The following PRUNE2 variants were observed in gnomAD, a reference collection of about 807,000 sequenced individuals.
PRUNE2 encodes the protein protein prune homolog 2.
In PRUNE2, 164 loss-of-function variants were observed where a neutral mutation model predicts 252.0. The ratio of observed to expected loss-of-function variants is 0.65; its 90% CI spans 0.57 to 0.74. The LOEUF (loss-of-function observed/expected upper bound fraction) is 0.74. Among genes scored for constraint, PRUNE2 ranks in the 30% least tolerant of loss-of-function variants. The pLI is 0.00. For missense variants in PRUNE2, 3,495 were observed against 3,711.0 expected (o/e 0.94, Z 1.51); for synonymous variants, 1,292 against 1,350.2 (o/e 0.96, Z 0.94).
intron 6 of PRUNE2, among the ~76,000 whole-genome samples, chr9:76,753,498 A>C (rs2050812244): frequency 6.6e-6 from 1 of 152,212 alleles, no homozygotes; most frequent in Non-Finnish European, 1.5e-5. Flanking sequence ...CTTGTGAAAC[A>C]GATGACCTGT....
chr9:76,845,000 TAAAAAAAAAAAAA>T (rs55754002), intron 4 of PRUNE2, among the ~76,000 whole-genome samples: 52 of 60,774 alleles, frequency 8.6e-4, no homozygotes, highest in African/African-American at 3.1e-3. Flanking sequence ...CCCCCTCTCT[TAAAAAAAAAAAAA>T]AAAAAAAAAA....
At chr9:76,815,850 G>A (rs1213447474) in intron 6 of PRUNE2, among the ~76,000 whole-genome samples, 1 of 152,124 alleles carries the variant, frequency 6.6e-6, no homozygotes, top group Non-Finnish European at 1.5e-5. Flanking sequence ...TCCAACTTGA[G>A]TTTAGCTGGA....
chr9:76,858,010 T>A (rs192799450), intron 1 of PRUNE2, among the ~76,000 whole-genome samples: 176 of 152,300 alleles, frequency 1.2e-3, no homozygotes, highest in Non-Finnish European at 2.1e-3. Context: ...AGGTGCCCAA[T>A]CTTAATACTG....
chr9:76,720,666 CT>C (rs1361840036), intron 6 of PRUNE2, among the ~76,000 whole-genome samples: 4 of 151,928 alleles, frequency 2.6e-5, no homozygotes, highest in Non-Finnish European at 4.4e-5. Context: ...ATAGAAAGTA[CT>C]TTTGCAAGAT....
At chr9:76,649,233 T>C (rs569928174) in intron 11 of PRUNE2, among the ~76,000 whole-genome samples, 5 of 152,352 alleles carry the variant, frequency 3.3e-5, no homozygotes, top group Middle Eastern at 3.4e-3. Flanking sequence ...ATGCCACTTA[T>C]CTGTTACTGT....
chr9:76,656,457 T>C (rs1849282144), intron 9 of PRUNE2, among the ~76,000 whole-genome samples: 1 of 152,198 alleles, frequency 6.6e-6, no homozygotes, highest in African/African-American at 2.4e-5. Context: ...CCCTTCTGCC[T>C]CTCTTACTGT....
chr9:76,746,770 G>A (rs989597076), intron 6 of PRUNE2, among the ~76,000 whole-genome samples: 7 of 149,646 alleles, frequency 4.7e-5, no homozygotes, highest in South Asian at 4.2e-4. Context: ...GGGGAGCTTC[G>A]GGATAGCCGA....
At chr9:76,856,111 A>C (rs572575312) in intron 1 of PRUNE2, among the ~76,000 whole-genome samples, 1 of 152,242 alleles carries the variant, frequency 6.6e-6, no homozygotes, top group African/African-American at 2.4e-5. Flanking sequence ...CCCAAATCTT[A>C]TAAGGCAGAC....
intron 4 of PRUNE2, among the ~76,000 whole-genome samples, chr9:76,837,450 T>TAATAATAATAATA (rs2059077529): frequency 1.6e-5 from 1 of 64,308 alleles, no homozygotes; most frequent in Admixed American, 2.1e-4. Flanking sequence ...CAAATAATAA[T>TAATAATAATAATA]AATAATAATA....
chr9:76,807,656 G>A (rs1282593575), intron 6 of PRUNE2, among the ~76,000 whole-genome samples: 1 of 152,184 alleles, frequency 6.6e-6, no homozygotes, highest in African/African-American at 2.4e-5. Flanking sequence ...GACACAGGGA[G>A]AGAGGAGGGA....
At chr9:76,615,225 A>C (rs963887074) in intron 18 of PRUNE2, 3 of 985,462 alleles carry the variant, frequency 3.0e-6, no homozygotes, top group Non-Finnish European at 3.6e-6. Flanking sequence ...CTTAGTGAAC[A>C]CAGCACAACT....
intron 9 of PRUNE2, among the ~76,000 whole-genome samples, chr9:76,657,911 C>T (rs1191670743): frequency 2.0e-5 from 3 of 152,198 alleles, no homozygotes; most frequent in African/African-American, 7.2e-5. Flanking sequence ...GAGCCTTTGC[C>T]TCTAAGTGCT....
intron 1 of PRUNE2, among the ~76,000 whole-genome samples, chr9:76,878,224 G>A (rs2061572153): frequency 6.6e-6 from 1 of 152,172 alleles, no homozygotes; most frequent in Non-Finnish European, 1.5e-5. Context: ...CATTCTCTTT[G>A]AAGATGGCCA....
At chr9:76,723,162 AC>A (rs2047792599) in intron 6 of PRUNE2, among the ~76,000 whole-genome samples, 1 of 152,174 alleles carries the variant, frequency 6.6e-6, no homozygotes, top group Non-Finnish European at 1.5e-5. Context: ...AATTGAAAAA[AC>A]CCAAAACTTC....
At chr9:76,816,724 A>T (rs556030515) in intron 6 of PRUNE2, among the ~76,000 whole-genome samples, 37 of 152,300 alleles carry the variant, frequency 2.4e-4, no homozygotes, top group African/African-American at 8.4e-4. Context: ...TTTTCATTTC[A>T]GTAAAAAATC....
intron 1 of PRUNE2, among the ~76,000 whole-genome samples, chr9:76,898,976 G>A (rs761731660): frequency 1.1e-4 from 17 of 152,188 alleles, no homozygotes; most frequent in Admixed American, 3.3e-4. Context: ...ATCATGCATG[G>A]GTTTACCCCA....
At chr9:76,681,850 G>T (rs990855458) in intron 9 of PRUNE2, among the ~76,000 whole-genome samples, 1 of 152,032 alleles carries the variant, frequency 6.6e-6, no homozygotes, top group Non-Finnish European at 1.5e-5. Context: ...ATCAGCTAGA[G>T]GTTATTAAAA....
chr9:76,643,774 G>A (rs2132909659), intron 12 of PRUNE2, among the ~76,000 whole-genome samples: 4 of 152,310 alleles, frequency 2.6e-5, no homozygotes, highest in Admixed American at 2.6e-4. Flanking sequence ...TGGGATGGAA[G>A]GTGAAAAATC....
intron 9 of PRUNE2, among the ~76,000 whole-genome samples, chr9:76,698,192 G>A (rs1427500959): frequency 2.6e-5 from 4 of 152,102 alleles, no homozygotes; most frequent in Middle Eastern, 3.4e-3. Flanking sequence ...GATTACAGGC[G>A]TGTGCCACCA....
Sources: gnomAD v4.1 joint callset for allele counts (sites outside exome capture counted in the v4.1 genomes callset) on GRCh38, gnomAD v4.1.1 for gene constraint, MANE v1.5 for transcripts, NCBI Gene and HGNC (gene_info 2026-07-23, HGNC 2026-07-21) for gene names.